TAFA2: variants seen among roughly 807,000 people sequenced by gnomAD.
The protein encoded by TAFA2 is TAFA chemokine like family member 2, also known as chemokine-like protein TAFA-2.
A neutral mutation model predicts 18.8 loss-of-function variants in TAFA2; 7 were observed. The observed-to-expected ratio is 0.37, with a 90% confidence interval of 0.21 to 0.70. TAFA2 has a LOEUF of 0.70. Ranked by LOEUF, TAFA2 falls within the 30% of genes least tolerant of loss-of-function variation. TAFA2 has a pLI of 0.53. For missense variants in TAFA2, 122 were observed against 158.1 expected, an observed-to-expected ratio of 0.77 and a Z score of 1.23; for synonymous variants, 60 against 54.2, an observed-to-expected ratio of 1.11 and a Z score of -0.47.
At chr12:62,050,478 A>G (rs981385944) in intron 1 of TAFA2, among the ~76,000 whole-genome samples, 7 of 152,014 alleles carry the variant, frequency 4.6e-5, no homozygotes, top group Non-Finnish European at 1.0e-4. Flanking sequence ...AGGCTGAGGC[A>G]GGAGACTGGC....
chr12:62,188,695 AC>A (rs781435631), intron 1 of TAFA2, among the ~76,000 whole-genome samples: 2 of 152,204 alleles, frequency 1.3e-5, no homozygotes, highest in Non-Finnish European at 2.9e-5. Context: ...TCAAAATACT[AC>A]ATTGAAGACA....
intron 4 of TAFA2, among the ~76,000 whole-genome samples, chr12:61,729,763 A>C (rs950552013): frequency 2.0e-5 from 3 of 151,936 alleles, no homozygotes; most frequent in Admixed American, 6.6e-5. Flanking sequence ...CTTGCTGTTG[A>C]GACAGTGTGA....
intron 4 of TAFA2, among the ~76,000 whole-genome samples, chr12:61,752,796 T>C (rs1487168630): frequency 6.6e-6 from 1 of 152,062 alleles, no homozygotes; most frequent in East Asian, 1.9e-4. Flanking sequence ...AGCCAGTCTC[T>C]ACTTTTATGT....
chr12:61,783,950 C>T (rs750229692), intron 2 of TAFA2, among the ~76,000 whole-genome samples: 18 of 151,422 alleles, frequency 1.2e-4, no homozygotes, highest in Non-Finnish European at 2.1e-4. Context: ...ACTTAATAAA[C>T]TCAGCACAAT....
rs144252494 is a variant in TAFA2 at position 62,176,834 on chromosome 12, T to C, written c.-2+14425A>G. On this transcript the variant is annotated intron_variant, in intron 1 of 4. Coordinates refer to ENST00000416284, the MANE Select transcript of TAFA2 (RefSeq NM_178539.5). ...AAAGAATTCTCTAACCAGCATTCTG[T>C]TAAGCAGAATGAATCTAATGTTCTA... Among the ~76,000 whole-genome samples, 90 of 152,338 alleles carry C rather than the reference T, an allele frequency of 5.9e-4. 1 individual carries two copies. The East Asian group carries it at 0.016, about 27-fold the overall frequency.
chr12:61,908,495 T>C (rs1489870866), intron 1 of TAFA2, among the ~76,000 whole-genome samples: 1 of 152,140 alleles, frequency 6.6e-6, no homozygotes, highest in South Asian at 2.1e-4. Flanking sequence ...ATTAATCTGC[T>C]TTCCTTTATA....
chr12:61,771,974 A>G (rs183400503), intron 2 of TAFA2, among the ~76,000 whole-genome samples: 1 of 152,016 alleles, frequency 6.6e-6, no homozygotes, highest in East Asian at 1.9e-4. Flanking sequence ...AAATTGATAG[A>G]CCATTAACAA....
intron 4 of TAFA2, among the ~76,000 whole-genome samples, chr12:61,724,198 T>C (rs932518040): frequency 6.6e-6 from 1 of 152,162 alleles, no homozygotes; most frequent in African/African-American, 2.4e-5. Flanking sequence ...AGCATGTATG[T>C]GGCATGATTT....
intron 1 of TAFA2, among the ~76,000 whole-genome samples, chr12:62,017,107 C>A (rs1056356562): frequency 1.3e-5 from 2 of 152,120 alleles, no homozygotes; most frequent in Non-Finnish European, 2.9e-5. Context: ...AAAGTAAATA[C>A]TATTAATGTT....
intron 1 of TAFA2, among the ~76,000 whole-genome samples, chr12:62,212,201 A>C (rs1400318148): frequency 3.9e-5 from 6 of 152,214 alleles, no homozygotes; most frequent in African/African-American, 1.4e-4. Context: ...TTGGAGAGGA[A>C]GTTTCAAATA....
chr12:61,942,092 G>A (rs1159906846), intron 1 of TAFA2, among the ~76,000 whole-genome samples: 3 of 151,288 alleles, frequency 2.0e-5, no homozygotes, highest in Admixed American at 1.3e-4. Context: ...CTCCCAGCAC[G>A]CAGCTGGAGA....
chr12:62,087,360 GA>G lies in TAFA2; in HGVS notation c.-2+103898del, dbSNP rs1353660537. Among the ~76,000 whole-genome samples, 10 of 152,248 alleles carry G rather than the reference GA, an allele frequency of 6.6e-5. No individual in the cohort carries two copies. The East Asian group carries it at 1.9e-3, about 29-fold the overall frequency. ...ATACAAAGATAATTTCAGGCAGTAA[GA>G]AGTGCTACAAAGAAACATTGTATCA... On this transcript the variant is annotated intron_variant, in intron 1 of 4. Transcript: ENST00000416284.
chr12:62,246,343 A>T (rs187083549), intron 1 of TAFA2, among the ~76,000 whole-genome samples: 1 of 152,114 alleles, frequency 6.6e-6, no homozygotes. Flanking sequence ...GATTTATTTT[A>T]CCATGAACCA....
At chr12:61,993,912 C>T (rs781658322) in intron 1 of TAFA2, among the ~76,000 whole-genome samples, 27 of 152,106 alleles carry the variant, frequency 1.8e-4, no homozygotes, top group Admixed American at 3.3e-4. Flanking sequence ...CTCCCTCTCT[C>T]ATAACACCCT....
chr12:62,220,298 A>T (rs753874991), intron 1 of TAFA2, among the ~76,000 whole-genome samples: 50 of 152,282 alleles, frequency 3.3e-4, no homozygotes, highest in Non-Finnish European at 5.6e-4. Flanking sequence ...GAGAAATAAA[A>T]TATAAAAAAC....
At chr12:62,259,733 C>G (rs2062977516), upstream of TAFA2, 1 of 152,594 alleles carries the variant, frequency 6.6e-6, no homozygotes, top group African/African-American at 2.4e-5. Context: ...TGAACTGGGA[C>G]ATGTTTTTCA....
chr12:62,086,553 A>G (rs1431855466), intron 1 of TAFA2, among the ~76,000 whole-genome samples: 1 of 152,168 alleles, frequency 6.6e-6, no homozygotes, highest in African/African-American at 2.4e-5. Context: ...GATGCTTAAC[A>G]TCACTAATCA....
At chr12:61,716,787 A>G (rs1869680494) in intron 4 of TAFA2, among the ~76,000 whole-genome samples, 1 of 152,170 alleles carries the variant, frequency 6.6e-6, no homozygotes, top group East Asian at 1.9e-4. Flanking sequence ...TGGACTGATG[A>G]GCACTCTTTA....
chr12:62,181,984 A>G (rs1314131951), intron 1 of TAFA2, among the ~76,000 whole-genome samples: 3 of 135,470 alleles, frequency 2.2e-5, no homozygotes, highest in South Asian at 2.4e-4. Context: ...TCTTTTCTCA[A>G]GTCCATCCCC....
Sources: gnomAD v4.1 joint callset for allele counts (sites outside exome capture counted in the v4.1 genomes callset) on GRCh38, gnomAD v4.1.1 for gene constraint, MANE v1.5 for transcripts, NCBI Gene and HGNC (gene_info 2026-07-23, HGNC 2026-07-21) for gene names.